Variants in LDB2 observed in about 807,000 individuals in gnomAD.
LDB2 encodes LIM domain binding 2.
A neutral mutation model predicts 44.3 loss-of-function variants in LDB2; 12 were observed. That is an observed-to-expected ratio of 0.27 (90% confidence interval 0.17 to 0.44). The LOEUF (loss-of-function observed/expected upper bound fraction) is 0.44, where lower values mean the gene tolerates loss of function less well. Ranked by LOEUF, LDB2 falls within the 20% of genes least tolerant of loss-of-function variation. The pLI, the probability that LDB2 is intolerant of heterozygous loss-of-function variation, is 1.00. For synonymous variants in LDB2, 164 were observed against 174.8 expected, an observed-to-expected ratio of 0.94 and a Z score of 0.49; for missense variants, 344 against 473.5, an observed-to-expected ratio of 0.73 and a Z score of 2.54.
Position 16,842,216 on chromosome 4 carries a change from C to T in LDB2, c.132+56138G>A, listed in dbSNP as rs537916779. On this transcript the variant is annotated intron_variant, in intron 1 of 7. Coordinates refer to ENST00000304523, the MANE Select transcript of LDB2 (RefSeq NM_001290.5). ...CCCAATTGCTGGCTGGGAATTTAAA[C>T]CTTTGGCTGCTAAATACCTCCGAAG... Among the ~76,000 whole-genome samples the T allele has an allele frequency of 2.0e-5, 3 of 152,224 alleles. No homozygotes were observed. The East Asian group carries it at 5.8e-4, about 29-fold the overall frequency.
At chr4:16,764,088 C>G (rs1768626493) in intron 1 of LDB2, among the ~76,000 whole-genome samples, 1 of 152,114 alleles carries the variant, frequency 6.6e-6, no homozygotes, top group African/African-American at 2.4e-5. Context: ...GTTCACGTAG[C>G]AAGTCTGCCT....
chr4:16,895,475 T>C (rs1724700326), intron 1 of LDB2, among the ~76,000 whole-genome samples: 1 of 152,156 alleles, frequency 6.6e-6, no homozygotes, highest in Non-Finnish European at 1.5e-5. Flanking sequence ...TTGCTATATA[T>C]TGTTTTTCTA....
chr4:16,858,671 A>G (rs1789880010), intron 1 of LDB2, among the ~76,000 whole-genome samples: 1 of 152,174 alleles, frequency 6.6e-6, no homozygotes, highest in Non-Finnish European at 1.5e-5. Flanking sequence ...GTACAGGAAA[A>G]AGGTGGGGGT....
At chr4:16,545,195 C>T (rs139687490) in intron 5 of LDB2, among the ~76,000 whole-genome samples, 246 of 147,650 alleles carry the variant, frequency 1.7e-3, no homozygotes, top group East Asian at 3.0e-3. Context: ...CTCTTTTCTT[C>T]CCTCCCTTCC....
intron 2 of LDB2, among the ~76,000 whole-genome samples, chr4:16,637,299 A>ATTTTTTTTTTTTTTTTTTTT (rs34484721): frequency 4.7e-5 from 4 of 85,478 alleles, no homozygotes; most frequent in Non-Finnish European, 6.0e-5. Context: ...GCCTAGGCTG[A>ATTTTTTTTTTTTTTTTTTTT]TTTTTTTTTT....
intron 3 of LDB2, among the ~76,000 whole-genome samples, chr4:16,590,127 G>A (rs927775050): frequency 2.6e-5 from 4 of 152,058 alleles, no homozygotes; most frequent in African/African-American, 4.8e-5. Context: ...CTTCACTAGC[G>A]GCGGCTTCTC....
chr4:16,856,867 T>TGTA (rs1358877908), intron 1 of LDB2, among the ~76,000 whole-genome samples: 2 of 152,226 alleles, frequency 1.3e-5, no homozygotes, highest in Non-Finnish European at 2.9e-5. Context: ...TGCATGTCAT[T>TGTA]GTAGCATTAT....
At chr4:16,504,105 T>G (rs1718409099) in intron 7 of LDB2, among the ~76,000 whole-genome samples, 1 of 152,094 alleles carries the variant, frequency 6.6e-6, no homozygotes, top group Non-Finnish European at 1.5e-5. Context: ...CCAGATGCTT[T>G]TGGAGATGAG....
chr4:16,669,356 T>TTCATCC (rs1038492132), intron 2 of LDB2, among the ~76,000 whole-genome samples: 2 of 152,128 alleles, frequency 1.3e-5, no homozygotes, highest in Admixed American at 6.5e-5. Context: ...ATCAGTTCCC[T>TTCATCC]TCATCTCAGC....
At chr4:16,784,816 C>A in intron 1 of LDB2, among the ~76,000 whole-genome samples, 1 of 152,172 alleles carries the variant, frequency 6.6e-6, no homozygotes, top group East Asian at 1.9e-4. Context: ...CCTATGCACT[C>A]TGCATCTGGT....
At chr4:16,634,959 C>T (rs1170130738) in intron 2 of LDB2, among the ~76,000 whole-genome samples, 5 of 151,974 alleles carry the variant, frequency 3.3e-5, no homozygotes, top group African/African-American at 1.2e-4. Flanking sequence ...TACTATGCAG[C>T]CATAAAAAAG....
At chr4:16,842,850 C>A (rs771081687) in intron 1 of LDB2, among the ~76,000 whole-genome samples, 2 of 152,168 alleles carry the variant, frequency 1.3e-5, no homozygotes, top group Non-Finnish European at 2.9e-5. Context: ...ACCCTCATTG[C>A]CCCATTTTCC....
chr4:16,721,954 A>T (rs1173048889), intron 2 of LDB2, among the ~76,000 whole-genome samples: 3 of 152,196 alleles, frequency 2.0e-5, no homozygotes, highest in Non-Finnish European at 4.4e-5. Flanking sequence ...ATTCATTTTC[A>T]TTTTGTTTAA....
intron 2 of LDB2, among the ~76,000 whole-genome samples, chr4:16,667,071 T>C (rs772208197): frequency 2.0e-5 from 3 of 152,078 alleles, no homozygotes; most frequent in Admixed American, 1.3e-4. Flanking sequence ...ACCTGAACCT[T>C]ATATATTTAT....
At chr4:16,758,075 A>G (rs1767052184) in intron 2 of LDB2, among the ~76,000 whole-genome samples, 1 of 152,300 alleles carries the variant, frequency 6.6e-6, no homozygotes, top group Non-Finnish European at 1.5e-5. Flanking sequence ...TTGCAGAATC[A>G]CCATGTGCAT....
chr4:16,573,022 A>T (rs1747125247), intron 5 of LDB2, among the ~76,000 whole-genome samples: 2 of 152,362 alleles, frequency 1.3e-5, no homozygotes, highest in Admixed American at 6.5e-5. Context: ...TTATGGGCCC[A>T]TGCCAGGGTT....
intron 1 of LDB2, among the ~76,000 whole-genome samples, chr4:16,773,214 C>T (rs1480541720): frequency 6.6e-6 from 1 of 152,164 alleles, no homozygotes; most frequent in Non-Finnish European, 1.5e-5. Flanking sequence ...AGCCGTCAGT[C>T]CCCAACCTTT....
In LDB2 at chr4:16,502,475, C is replaced by CAATT; in HGVS notation, c.*164_*167dup. 1.0e-6 allele frequency: 1 copy of CAATT among 990,762 alleles called. No homozygotes were observed. 61.4% of individuals were successfully genotyped at this position (990,762 alleles called of 1,614,324 possible). A position where few individuals can be genotyped will look rare whatever the true frequency, so the allele number is the denominator to read the frequency against. ...GGAAGCTTACTGGGAATAATCCTCT[C>CAATT]AATTAGAAAAAAAGAAAGAAGAAAG... On this transcript the variant is annotated 3_prime_UTR_variant, in exon 8 of 8. Transcript: ENST00000304523.
chr4:16,861,570 C>G (rs1712558470), intron 1 of LDB2, among the ~76,000 whole-genome samples: 1 of 152,170 alleles, frequency 6.6e-6, no homozygotes, highest in African/African-American at 2.4e-5. Flanking sequence ...TTCCCCACAG[C>G]TGACTCCATT....
Sources: allele counts gnomAD v4.1 joint callset (sites outside exome capture counted in the v4.1 genomes callset), GRCh38; gene constraint gnomAD v4.1.1; transcripts MANE v1.5; gene names NCBI Gene and HGNC (gene_info 2026-07-23, HGNC 2026-07-21).